CDH9: variants seen among roughly 807,000 people sequenced by gnomAD.
CDH9 encodes cadherin 9.
In CDH9, 28 loss-of-function variants were observed where a neutral mutation model predicts 70.9. That is an observed-to-expected ratio of 0.40 (90% CI 0.29 to 0.54). The LOEUF (loss-of-function observed/expected upper bound fraction) is 0.54, where lower values mean the gene tolerates loss of function less well. Ranked by LOEUF, CDH9 falls within the 20% of genes least tolerant of loss-of-function variation. CDH9 has a pLI of 0.59. For synonymous variants in CDH9, 409 were observed against 343.1 expected (o/e 1.19, Z -2.12); for missense variants, 874 against 984.4 (o/e 0.89, Z 1.50).
intron 3 of CDH9, among the ~76,000 whole-genome samples, chr5:26,907,337 T>C (rs2111993558): frequency 6.6e-6 from 1 of 152,250 alleles, no homozygotes; most frequent in East Asian, 1.9e-4. Flanking sequence ...CAAAATGCTG[T>C]AAAATTGACC....
At chr5:26,965,473 G>A (rs949794013) in intron 2 of CDH9, among the ~76,000 whole-genome samples, 129 of 151,836 alleles carry the variant, frequency 8.5e-4, no homozygotes, top group African/African-American at 3.0e-3. Context: ...CTACTCGGGA[G>A]GCTGAGGCAG....
intron 2 of CDH9, among the ~76,000 whole-genome samples, chr5:26,930,900 A>T (rs1741451458): frequency 6.6e-6 from 1 of 152,146 alleles, no homozygotes; most frequent in Non-Finnish European, 1.5e-5. Flanking sequence ...TATTTTAGAC[A>T]TATTAGCTTG....
intron 7 of CDH9, among the ~76,000 whole-genome samples, chr5:26,899,920 G>GT (rs200764912): frequency 0.018 from 2,734 of 150,938 alleles, 45 homozygotes; most frequent in Non-Finnish European, 0.026. Context: ...CCAGAAGTTA[G>GT]TTTTTTTTGA....
intron 1 of CDH9, among the ~76,000 whole-genome samples, chr5:27,010,046 G>A (rs543469630): frequency 6.6e-6 from 1 of 152,118 alleles, no homozygotes; most frequent in East Asian, 1.9e-4. Flanking sequence ...TAATCATTCA[G>A]AAGTTTAAAA....
Position 26,915,697 on chromosome 5 carries a change from G to A in CDH9, c.456C>T (p.Ile152=). ...ESEFIIKIHD[I]NDNEPKFTKD... ...TTGTAAATTTTGGCTCATTGTCATT[G>A]ATATCATGTATTTTAATGATAAATT... Residue 152 remains isoleucine (I), a synonymous_variant, in exon 3 of 12, where the codon ATC becomes ATT. Coordinates refer to ENST00000231021, the MANE Select transcript of CDH9 (RefSeq NM_016279.4). 1.9e-6 allele frequency: 3 copies of A among 1,609,874 alleles called. No individual in the cohort carries two copies. The South Asian group carries it at 3.3e-5, about 18-fold the overall frequency.
At chr5:27,026,127 T>C (rs1324807286) in intron 1 of CDH9, among the ~76,000 whole-genome samples, 3 of 151,918 alleles carry the variant, frequency 2.0e-5, no homozygotes, top group Non-Finnish European at 2.9e-5. Flanking sequence ...AGATGAACAT[T>C]ATATCATATT....
chr5:26,952,540 C>G (rs1471459146), intron 2 of CDH9, among the ~76,000 whole-genome samples: 2 of 119,378 alleles, frequency 1.7e-5, no homozygotes, highest in Admixed American at 1.1e-4. Flanking sequence ...GAAGCTGAGG[C>G]AGGAGAATGG....
intron 2 of CDH9, among the ~76,000 whole-genome samples, chr5:26,947,500 T>G (rs928279531): frequency 1.3e-5 from 2 of 152,128 alleles, no homozygotes; most frequent in African/African-American, 4.8e-5. Context: ...CTCTTGAGTT[T>G]TTGACACCAA....
chr5:26,936,344 A>G (rs1741558667), intron 2 of CDH9, among the ~76,000 whole-genome samples: 1 of 152,128 alleles, frequency 6.6e-6, no homozygotes, highest in Non-Finnish European at 1.5e-5. Context: ...AATGCCAAAA[A>G]AGTAAAATAC....
chr5:26,915,757 G>A lies in CDH9; in HGVS notation c.396C>T (p.Asp132=). Residue 132 remains aspartate, a synonymous_variant, in exon 3 of 12, where the codon GAC becomes GAT. Transcript: ENST00000231021. ...GTTCCACCTGCCGCCCAGTTTTTCT[G>A]TCTATAGCCTTGGCACGAAGAATGT... ...SLYILRAKAI[D]RKTGRQVEPE... is the part of the protein sequence containing the mutation. 8 of 1,613,524 alleles carry A rather than the reference G, an allele frequency of 5.0e-6. No individual in the cohort carries two copies. The highest frequency in any genetic ancestry group is 6.8e-6 in the Non-Finnish European group (8 of 1,179,606).
At chr5:26,950,409 A>G (rs1385722490) in intron 2 of CDH9, among the ~76,000 whole-genome samples, 4 of 152,234 alleles carry the variant, frequency 2.6e-5, no homozygotes, top group African/African-American at 9.6e-5. Context: ...AATTAAAACC[A>G]GATTATGTAA....
intron 5 of CDH9, among the ~76,000 whole-genome samples, chr5:26,905,669 T>G (rs1740932997): frequency 6.6e-6 from 1 of 151,994 alleles, no homozygotes; most frequent in Admixed American, 6.6e-5. Context: ...AGAAAGGAAG[T>G]CTGGAAAACT....
intron 1 of CDH9, among the ~76,000 whole-genome samples, chr5:27,021,733 T>C (rs1232177794): frequency 2.6e-5 from 4 of 151,912 alleles, no homozygotes; most frequent in Non-Finnish European, 4.4e-5. Flanking sequence ...GATATCATTA[T>C]AAATAAAGGT....
chr5:26,944,070 T>A (rs147213246), intron 2 of CDH9, among the ~76,000 whole-genome samples: 4 of 152,266 alleles, frequency 2.6e-5, no homozygotes, highest in African/African-American at 9.6e-5. Context: ...TTTGCTTTGC[T>A]CATGATTATT....
At chr5:26,940,149 C>T (rs1314178520) in intron 2 of CDH9, among the ~76,000 whole-genome samples, 8 of 133,586 alleles carry the variant, frequency 6.0e-5, no homozygotes, top group Non-Finnish European at 1.1e-4. Flanking sequence ...GGTGACAGAG[C>T]GAGACTCAGT....
At chr5:27,034,404 T>C (rs950881541) in intron 1 of CDH9, among the ~76,000 whole-genome samples, 8 of 151,678 alleles carry the variant, frequency 5.3e-5, no homozygotes, top group Non-Finnish European at 8.8e-5. Context: ...TCAAGAGAAA[T>C]AGAAGATATA....
intron 2 of CDH9, among the ~76,000 whole-genome samples, chr5:26,932,248 A>ATT (rs1364297820): frequency 2.0e-5 from 3 of 152,096 alleles, no homozygotes; most frequent in Non-Finnish European, 4.4e-5. Context: ...TATCAAAAAT[A>ATT]CTAGAAGGCA....
At chr5:26,883,707 C>T (rs72744727) in intron 11 of CDH9, among the ~76,000 whole-genome samples, 7,852 of 152,054 alleles carry the variant, frequency 0.052, 308 homozygotes, top group Non-Finnish European at 0.071. Context: ...AGCGTATTTC[C>T]TTTTTGTCTT....
Position 26,995,852 on chromosome 5 carries a change from A to G in CDH9, c.-49-7470T>C, listed in dbSNP as rs532144978. Among the ~76,000 whole-genome samples the G allele has an allele frequency of 5.3e-5, 8 of 152,250 alleles. No homozygotes were observed. In the South Asian group the frequency reaches 1.7e-3, roughly 32 times the overall value. On this transcript the variant is annotated intron_variant, in intron 1 of 11. Coordinates refer to ENST00000231021, the MANE Select transcript of CDH9 (RefSeq NM_016279.4). ...GATGTACTATAAAGTACAATGTTTT[A>G]AATGTGGCTCAACTTTGATTTTGTA... is the stretch of plus-strand genomic sequence containing the variant.
Sources: gnomAD v4.1 joint callset for allele counts (sites outside exome capture counted in the v4.1 genomes callset) on GRCh38, gnomAD v4.1.1 for gene constraint, MANE v1.5 for transcripts, NCBI Gene and HGNC (gene_info 2026-07-23, HGNC 2026-07-21) for gene names.